The following PTPRM variants were observed in gnomAD, a reference collection of about 807,000 sequenced individuals.
PTPRM encodes the protein receptor-type tyrosine-protein phosphatase mu.
PTPRM carries 47 observed loss-of-function variants against 186.7 expected under a neutral mutation model. That is an observed-to-expected ratio of 0.25 (90% CI 0.20 to 0.32). PTPRM has a LOEUF of 0.32. PTPRM is among the 10% of genes least tolerant of loss of function. The pLI, the probability that PTPRM is intolerant of heterozygous loss-of-function variation, is 1.00. For missense variants in PTPRM, 1,494 were observed against 1,865.0 expected, an observed-to-expected ratio of 0.80 and a Z score of 3.66; for synonymous variants, 668 against 674.9, an observed-to-expected ratio of 0.99 and a Z score of 0.16.
intron 1 of PTPRM, among the ~76,000 whole-genome samples, chr18:7,572,067 A>G (rs2036578180): frequency 6.6e-6 from 1 of 152,234 alleles, no homozygotes; most frequent in African/African-American, 2.4e-5. Context: ...ATCAGTGAGC[A>G]TGAAAGAAAT....
chr18:7,837,417 C>T (rs951896429), intron 2 of PTPRM, among the ~76,000 whole-genome samples: 6 of 152,090 alleles, frequency 3.9e-5, no homozygotes, highest in Non-Finnish European at 8.8e-5. Flanking sequence ...AATTCCTTCT[C>T]TGTGTTATCT....
In PTPRM at chr18:8,387,165, C is replaced by A. The variant is rs756527215; in HGVS notation, c.4138C>A (p.Leu1380Ile). 25 of 1,613,462 alleles carry A rather than the reference C, an allele frequency of 1.5e-5. No homozygotes were observed. Among genetic ancestry groups the A allele is most frequent in the Non-Finnish European group, 2.1e-5 (25 of 1,179,504 alleles). The change falls in exon 31 of 33, where the codon CTC becomes ATC. Residue 1380 changes from leucine to isoleucine, a missense_variant. Transcript: ENST00000580170. The stretch of plus-strand genomic sequence containing the variant: ...AGTGTCTAAGCGCTCCTTCTTGAAG[C>A]TCATTCGCCAGGTGGACAAGTGGCA... ...TPVSKRSFLKLIRQVDKWQEE... is the reference protein window; with the variant it reads ...TPVSKRSFLKIIRQVDKWQEE...
intron 2 of PTPRM, among the ~76,000 whole-genome samples, chr18:7,833,241 T>C (rs2045851176): frequency 6.6e-6 from 1 of 152,198 alleles, no homozygotes. Context: ...ATTCTTCTAA[T>C]CCATGAACAT....
intron 2 of PTPRM, among the ~76,000 whole-genome samples, chr18:7,838,623 G>C (rs1011445819): frequency 1.3e-5 from 2 of 152,226 alleles, no homozygotes; most frequent in Middle Eastern, 3.2e-3. Context: ...CCTGAAGCCT[G>C]TACAGCACTG....
chr18:7,912,572 C>T (rs1282799921), intron 4 of PTPRM, among the ~76,000 whole-genome samples: 2 of 152,002 alleles, frequency 1.3e-5, no homozygotes, highest in African/African-American at 4.8e-5. Flanking sequence ...AGTGCAGTGG[C>T]ACTATCTCGG....
At chr18:8,394,655 C>A in intron 32 of PTPRM, 44 bp downstream of exon 32, 1 of 1,513,784 alleles carries the variant, frequency 6.6e-7, no homozygotes, top group South Asian at 1.3e-5. Context: ...ACCCCATTAG[C>A]ATTAGAATCC....
At chr18:8,152,383 A>G (rs920615217) in intron 14 of PTPRM, among the ~76,000 whole-genome samples, 1 of 152,094 alleles carries the variant, frequency 6.6e-6, no homozygotes, top group Non-Finnish European at 1.5e-5. Context: ...AGATACATGC[A>G]TCTACTCCTT....
intron 13 of PTPRM, among the ~76,000 whole-genome samples, chr18:8,119,520 T>A (rs1055904248): frequency 2.0e-5 from 3 of 152,212 alleles, no homozygotes; most frequent in African/African-American, 7.2e-5. Flanking sequence ...CTTTGGATTT[T>A]GAAATAGGAA....
intron 11 of PTPRM, among the ~76,000 whole-genome samples, chr18:8,096,087 T>C (rs1040689334): frequency 2.0e-5 from 3 of 152,154 alleles, no homozygotes; most frequent in African/African-American, 7.2e-5. Flanking sequence ...ACAATGACTG[T>C]ACGTGTTGAG....
intron 1 of PTPRM, among the ~76,000 whole-genome samples, chr18:7,588,945 G>A (rs1436156574): frequency 6.6e-6 from 1 of 152,156 alleles, no homozygotes; most frequent in African/African-American, 2.4e-5. Flanking sequence ...AACCTACTGG[G>A]CTCCAGTGAT....
intron 14 of PTPRM, among the ~76,000 whole-genome samples, chr18:8,185,264 C>A (rs914679430): frequency 2.0e-5 from 3 of 152,350 alleles, no homozygotes; most frequent in Non-Finnish European, 2.9e-5. Flanking sequence ...GGGCTCAGCT[C>A]TCTGTCCTCT....
intron 5 of PTPRM, among the ~76,000 whole-genome samples, chr18:7,931,382 T>A (rs1460726998): frequency 6.6e-6 from 1 of 152,218 alleles, no homozygotes; most frequent in African/African-American, 2.4e-5. Context: ...ATTTTCTTTT[T>A]ATACTTTCTG....
intron 4 of PTPRM, among the ~76,000 whole-genome samples, chr18:7,921,590 C>T (rs1471631329): frequency 6.6e-6 from 1 of 152,070 alleles, no homozygotes; most frequent in East Asian, 1.9e-4. Context: ...CTGTGTTAGC[C>T]AGGATGGTCT....
chr18:7,614,045 C>T (rs560590839), intron 1 of PTPRM, among the ~76,000 whole-genome samples: 5 of 152,218 alleles, frequency 3.3e-5, no homozygotes, highest in East Asian at 3.9e-4. Context: ...TGGGGTCTGC[C>T]GATGGTGCAT....
At chr18:7,658,851 G>A (rs571952091) in intron 1 of PTPRM, among the ~76,000 whole-genome samples, 2 of 152,030 alleles carry the variant, frequency 1.3e-5, no homozygotes, top group East Asian at 1.9e-4. Flanking sequence ...CTTTTGTGCT[G>A]GTCACTGCTC....
At chr18:8,331,931 T>C (rs534440426) in intron 22 of PTPRM, among the ~76,000 whole-genome samples, 24 of 152,372 alleles carry the variant, frequency 1.6e-4, no homozygotes, top group African/African-American at 5.5e-4. Context: ...TTCTGAAGGC[T>C]TCCCTGGTGC....
chr18:8,068,681 G>A (rs2089255733), intron 7 of PTPRM, among the ~76,000 whole-genome samples: 1 of 152,144 alleles, frequency 6.6e-6, no homozygotes. Flanking sequence ...TACCTGCTCT[G>A]CTCAGAAGTT....
intron 14 of PTPRM, among the ~76,000 whole-genome samples, chr18:8,176,415 A>G (rs745659012): frequency 1.3e-5 from 2 of 152,222 alleles, no homozygotes; most frequent in Non-Finnish European, 2.9e-5. Flanking sequence ...CACATCTCTC[A>G]TTCCCTTAAT....
intron 2 of PTPRM, among the ~76,000 whole-genome samples, chr18:7,791,400 CA>C (rs1421567115): frequency 6.6e-6 from 1 of 152,204 alleles, no homozygotes; most frequent in Non-Finnish European, 1.5e-5. Flanking sequence ...ATTTCCCATT[CA>C]CATTATAGTC....
Sources: allele counts gnomAD v4.1 joint callset (sites outside exome capture counted in the v4.1 genomes callset), GRCh38; gene constraint gnomAD v4.1.1; transcripts MANE v1.5; gene names NCBI Gene and HGNC (gene_info 2026-07-23, HGNC 2026-07-21).